PRUNE1: variants seen among roughly 807,000 people sequenced by gnomAD.
The protein encoded by PRUNE1 is prune exopolyphosphatase 1.
PRUNE1 carries 25 observed loss-of-function variants against 42.5 expected under a neutral mutation model. The observed-to-expected ratio is 0.59, with a 90% CI of 0.43 to 0.82. The LOEUF (loss-of-function observed/expected upper bound fraction) is 0.82. PRUNE1 is among the 40% of genes least tolerant of loss of function. PRUNE1 has a pLI of 0.00. For synonymous variants in PRUNE1, 203 were observed against 217.1 expected (o/e 0.93, Z 0.57); for missense variants, 443 against 539.3 (o/e 0.82, Z 1.77).
In PRUNE1 at chr1:151,008,458, C is replaced by A; in HGVS notation, c.-175C>A. ...CGCCGGACTCCGGAGCGCCCGCTTA[C>A]GCAGTTCCTCCCGGGGTCGGAGGCC... On this transcript the variant is annotated 5_prime_UTR_variant, in exon 1 of 8. Transcript: ENST00000271620. 1 of 1,102,418 alleles carries A rather than the reference C, an allele frequency of 9.1e-7. No homozygotes were observed. Among genetic ancestry groups the A allele is most frequent in the Non-Finnish European group, 1.3e-6 (1 of 754,412 alleles). 68.3% of individuals were successfully genotyped at this position (1,102,418 alleles called of 1,614,324 possible). A position where few individuals can be genotyped will look rare whatever the true frequency, so the allele number is the denominator to read the frequency against.
In PRUNE1 at chr1:151,008,586, G is replaced by C. The variant is rs1469385696; in HGVS notation, c.-47G>C. The C allele has an allele frequency of 1.9e-6, 3 of 1,610,362 alleles. No individual in the cohort carries two copies. The highest frequency in any genetic ancestry group is 2.5e-6 in the Non-Finnish European group (3 of 1,176,662). On this transcript the variant is annotated 5_prime_UTR_variant, in exon 1 of 8. Transcript: ENST00000271620. ...GTCGGGGAAACCTCTCCTCGACCAG[G>C]GGCACCTCTACTCGACCAGGGGCGA...
At chr1:151,024,585 CTT>C (rs764119886) in intron 3 of PRUNE1, 24 bp from the exon 4 acceptor site, 289 of 1,572,764 alleles carry the variant, frequency 1.8e-4, no homozygotes, top group Non-Finnish European at 2.3e-4. Flanking sequence ...CTTTCTTCCT[CTT>C]TTCCCATACC....
chr1:151,034,203 A>G lies in PRUNE1; in HGVS notation c.1331A>G (p.Gln444Arg), dbSNP rs760839907. The G allele has an allele frequency of 1.9e-6, 3 of 1,612,956 alleles. 1 individual carries two copies. Among genetic ancestry groups the G allele is most frequent in the Non-Finnish European group, 2.5e-6 (3 of 1,179,322 alleles). The change falls in exon 8 of 8, where the codon CAG becomes CGG. Residue 444 changes from glutamine (Q) to arginine (R), a missense_variant. Transcript: ENST00000271620. Reference sequence around the variant, plus strand: ...AAGTGCAGTCAGATCTCACTGTCACAGTCTACCACAGCCTCCCTGTCCAAG... The same window carrying G: ...AAGTGCAGTCAGATCTCACTGTCACGGTCTACCACAGCCTCCCTGTCCAAG... Reference protein sequence around the residue: ...FEKCSQISLSQSTTASLSKK With the variant: ...FEKCSQISLSRSTTASLSKK
rs980847344 is a variant in PRUNE1, at chr1:151,024,672, A to G, written c.397A>G (p.Lys133Glu). The G allele has an allele frequency of 3.1e-6, 5 of 1,614,026 alleles. No homozygotes were observed. Among genetic ancestry groups the G allele is most frequent in the African/African-American group, 1.3e-5 (1 of 75,026 alleles). The change falls in exon 4 of 8, where the codon AAA (lysine) becomes GAA (glutamate). Residue 133 changes from lysine (K) to glutamate (E), a missense_variant. Transcript: ENST00000271620. The stretch of plus-strand genomic sequence containing the variant: ...GCTAGACCATCGACCCATCGAGCCG[A>G]AACACTGCCCTCCCTGCCATGTTTC... ...EVLDHRPIEPKHCPPCHVSVE... is the reference protein window; with the variant it reads ...EVLDHRPIEPEHCPPCHVSVE...
At chr1:151,011,783 AT>A (rs11342247) in intron 1 of PRUNE1, among the ~76,000 whole-genome samples, 64,181 of 145,134 alleles carry the variant, frequency 0.44, 14,396 homozygotes, top group Middle Eastern at 0.62. Context: ...TAATTAATTA[AT>A]TTTTTTTTTT....
intron 3 of PRUNE1, among the ~76,000 whole-genome samples, chr1:151,020,875 G>A (rs894651973): frequency 6.6e-6 from 1 of 151,880 alleles, no homozygotes; most frequent in Admixed American, 6.6e-5. Context: ...CCAGCTACTC[G>A]GGAGTCTGAG....
At chr1:151,029,328 C>T (rs1241355650) in intron 7 of PRUNE1, among the ~76,000 whole-genome samples, 4 of 147,262 alleles carry the variant, frequency 2.7e-5, no homozygotes, top group Non-Finnish European at 4.5e-5. Context: ...CCCAGCAACT[C>T]GGGAGGCTGA....
rs1675472684 is a variant in PRUNE1, at chr1:151,035,044, T to A, written c.*810T>A. 6.6e-6 allele frequency: 1 copy of A among 152,248 alleles called. No homozygotes were observed. Among genetic ancestry groups the A allele is most frequent in the African/African-American group, 2.4e-5 (1 of 41,460 alleles). 9.4% of individuals were successfully genotyped at this position (152,248 alleles called of 1,614,324 possible). On this transcript the variant is annotated 3_prime_UTR_variant, in exon 8 of 8. Transcript: ENST00000271620. Reference sequence around the variant, plus strand: ...AGAGGCCTGGGTCTGTCTCCTGCCTTAGCAGGCCTATCAATTTCTTGTCAA... The same window carrying A: ...AGAGGCCTGGGTCTGTCTCCTGCCTAAGCAGGCCTATCAATTTCTTGTCAA...
At chr1:151,010,330 T>G (rs1479164961) in intron 1 of PRUNE1, among the ~76,000 whole-genome samples, 1 of 152,084 alleles carries the variant, frequency 6.6e-6, no homozygotes, top group Non-Finnish European at 1.5e-5. Context: ...ACAATCCCCC[T>G]GGCTTGGCTT....
chr1:151,010,987 G>A (rs895342324), intron 1 of PRUNE1, among the ~76,000 whole-genome samples: 7 of 152,100 alleles, frequency 4.6e-5, no homozygotes, highest in East Asian at 1.9e-4. Context: ...AGTAGTAAAT[G>A]TGTATTTCAT....
chr1:151,027,781 T>TGTGTGTGTGC (rs764369341), intron 6 of PRUNE1, among the ~76,000 whole-genome samples: 139 of 142,594 alleles, frequency 9.7e-4, no homozygotes, highest in African/African-American at 2.2e-3. Flanking sequence ...TGTGTGTGTG[T>TGTGTGTGTGC]GCGCGCGCGT....
chr1:151,034,600 C>G lies in PRUNE1; in HGVS notation c.*366C>G, dbSNP rs917348739. 4.7e-6 allele frequency: 1 copy of G among 212,044 alleles called. No individual in the cohort carries two copies. The highest frequency in any genetic ancestry group is 1.0e-4 in the South Asian group (1 of 9,930). 13.1% of individuals were successfully genotyped at this position (212,044 alleles called of 1,614,324 possible). On this transcript the variant is annotated 3_prime_UTR_variant, in exon 8 of 8. Coordinates refer to ENST00000271620, the MANE Select transcript of PRUNE1 (RefSeq NM_021222.3). ...AACAGAACCAGTATCTGTCATGGAA[C>G]TGAACATTCATCGATGGTCTCCATG... is the stretch of plus-strand genomic sequence containing the variant.
Position 151,034,474 on chromosome 1 carries a change from T to A in PRUNE1, c.*240T>A, listed in dbSNP as rs1216661546. On this transcript the variant is annotated 3_prime_UTR_variant, in exon 8 of 8. Transcript: ENST00000271620. Reference sequence around the variant, plus strand: ...TTTATTATTTAAATCTGCACCTCTCTCTATTTTATTTGCCAGGGGCACGAT... The same window carrying A: ...TTTATTATTTAAATCTGCACCTCTCACTATTTTATTTGCCAGGGGCACGAT... 8.2e-6 allele frequency: 4 copies of A among 489,574 alleles called. No homozygotes were observed. Among genetic ancestry groups the A allele is most frequent in the Non-Finnish European group, 1.5e-5 (4 of 272,464 alleles). The allele number at this position is 489,574 out of a possible 1,614,324, so 30.3% of individuals were successfully genotyped here.
At chr1:151,018,306 G>A (rs1032469742) in intron 2 of PRUNE1, 161 bp from the exon 3 acceptor site, 1 of 773,890 alleles carries the variant, frequency 1.3e-6, no homozygotes, top group Admixed American at 1.7e-5. Context: ...TAAGAAGGAG[G>A]GAGGGCAAAA....
At chr1:151,025,765 G>A in intron 5 of PRUNE1, 92 bp downstream of exon 5, 1 of 1,306,736 alleles carries the variant, frequency 7.7e-7, no homozygotes, top group South Asian at 1.5e-5. Flanking sequence ...TTTTGAGACA[G>A]AGTCTTGCTC....
At chr1:151,024,364 A>T (rs1674684202) in intron 3 of PRUNE1, among the ~76,000 whole-genome samples, 1 of 151,744 alleles carries the variant, frequency 6.6e-6, no homozygotes, top group Admixed American at 6.6e-5. Context: ...GCATGTTGGC[A>T]GGCGCCTTTA....
At chr1:151,030,739 G>A (rs1161377287) in intron 7 of PRUNE1, among the ~76,000 whole-genome samples, 3 of 152,114 alleles carry the variant, frequency 2.0e-5, no homozygotes, top group Non-Finnish European at 4.4e-5. Context: ...ACCTGCCTTG[G>A]CCTTCCGAAG....
intron 7 of PRUNE1, among the ~76,000 whole-genome samples, chr1:151,029,207 T>A (rs587708449): frequency 1.3e-5 from 2 of 151,540 alleles, no homozygotes; most frequent in Admixed American, 1.3e-4. Flanking sequence ...CAAAGAGAAC[T>A]AGAGATTCAA....
intron 6 of PRUNE1, among the ~76,000 whole-genome samples, chr1:151,028,445 C>T (rs1371467799): frequency 6.6e-6 from 1 of 151,742 alleles, no homozygotes; most frequent in African/African-American, 2.4e-5. Flanking sequence ...TTTTTTGAGA[C>T]GGAGTTTCGC....
Sources: allele counts gnomAD v4.1 joint callset (sites outside exome capture counted in the v4.1 genomes callset), GRCh38; gene constraint gnomAD v4.1.1; transcripts MANE v1.5; gene names NCBI Gene and HGNC (gene_info 2026-07-23, HGNC 2026-07-21).